The following WDR62 variants were observed in gnomAD, a reference collection of about 807,000 sequenced individuals.
WDR62 encodes WD repeat-containing protein 62.
Under a neutral mutation model 160.6 loss-of-function variants are expected in WDR62, and 112 were observed. The observed-to-expected ratio is 0.70, with a 90% CI of 0.60 to 0.82. The LOEUF (loss-of-function observed/expected upper bound fraction) is 0.82. Among genes scored for constraint, WDR62 ranks in the 40% least tolerant of loss-of-function variants. WDR62 has a pLI of 0.00. For synonymous variants in WDR62, 792 were observed against 815.1 expected (o/e 0.97, Z 0.48); for missense variants, 1,819 against 1,983.8 (o/e 0.92, Z 1.58).
chr19:36,077,305 T>C (rs1345449421), intron 9 of WDR62, among the ~76,000 whole-genome samples: 2 of 131,294 alleles, frequency 1.5e-5, no homozygotes, highest in Non-Finnish European at 3.1e-5. Context: ...TGAGATGGAG[T>C]CTCACTCTGT....
At chr19:36,096,994 T>G in intron 20 of WDR62, 33 bp from the exon 21 acceptor site, 1 of 1,596,220 alleles carries the variant, frequency 6.3e-7, no homozygotes, top group Non-Finnish European at 8.5e-7. Flanking sequence ...TTGGGTTGTT[T>G]GTCCTCTTTT....
chr19:36,092,921 G>A, intron 19 of WDR62, 110 bp downstream of exon 19: 1 of 1,510,562 alleles, frequency 6.6e-7, no homozygotes, highest in Non-Finnish European at 9.2e-7. Context: ...CCTGCCCTTA[G>A]CACACTCACA....
intron 30 of WDR62, 100 bp from the exon 31 acceptor site, chr19:36,104,418 G>T (rs76417901): frequency 1.3e-6 from 2 of 1,487,688 alleles, no homozygotes; most frequent in African/African-American, 2.7e-5. Flanking sequence ...CCAGAGAAGT[G>T]TTCCAGACAG....
rs965890462 is a variant in WDR62 at position 36,099,316 on chromosome 19, G to A, written c.2521-83G>A. The A allele has an allele frequency of 3.5e-6, 4 of 1,150,326 alleles. No individual in the cohort carries two copies. The East Asian group carries it at 9.9e-5, about 28-fold the overall frequency. The allele number at this position is 1,150,326 out of a possible 1,614,324, so 71.3% of individuals were successfully genotyped here. ...AATGGTATTGAAAGCCAAGAGTCCA[G>A]ATGGGCTGTGTGAAATGTCCGTGTC... On this transcript the variant is annotated intron_variant, in intron 21 of 31. Transcript: ENST00000401500.
chr19:36,109,748 A>C (rs968282523), downstream of WDR62, among the ~76,000 whole-genome samples: 4 of 146,784 alleles, frequency 2.7e-5, no homozygotes, highest in African/African-American at 5.1e-5. Context: ...AACAAAACAA[A>C]ACAAAACAAA....
intron 20 of WDR62, among the ~76,000 whole-genome samples, chr19:36,094,410 C>T (rs1463797284): frequency 2.6e-5 from 4 of 151,758 alleles, no homozygotes; most frequent in East Asian, 1.9e-4. Flanking sequence ...AAAAATTAGC[C>T]GGGCGTGGTG....
At position 36,073,273 on chromosome 19, in the gene WDR62, T is replaced by G; in HGVS notation, c.1044-69T>G. On this transcript the variant is annotated intron_variant, in intron 8 of 31. Coordinates refer to ENST00000401500, the MANE Select transcript of WDR62 (RefSeq NM_001083961.2). ...GGCATTGCCGGGGAGGCATCTCCAC[T>G]GTCACTAGAGGTGGCTGTCACTACT... The G allele has an allele frequency of 2.7e-6, 4 of 1,503,382 alleles. No individual in the cohort carries two copies. The Admixed American group carries it at 6.7e-5, about 25-fold the overall frequency. The allele number at this position is 1,503,382 out of a possible 1,614,324, so 93.1% of individuals were successfully genotyped here.
At chr19:36,108,823 C>T (rs1973755465), downstream of WDR62, among the ~76,000 whole-genome samples, 1 of 148,154 alleles carries the variant, frequency 6.7e-6, no homozygotes. Context: ...CACTGCACTC[C>T]AGCCTAGGTG....
intron 23 of WDR62, 137 bp downstream of exon 23, chr19:36,101,012 C>T: frequency 6.9e-7 from 1 of 1,440,068 alleles, no homozygotes; most frequent in Non-Finnish European, 9.7e-7. Context: ...GGGCAGGAGC[C>T]CAGCCTTAGT....
Position 36,081,435 on chromosome 19 carries a change from G to A in WDR62, c.1236G>A (p.Val412=). The A allele has an allele frequency of 6.2e-7, 1 of 1,613,944 alleles. No individual in the cohort carries two copies. The highest frequency in any genetic ancestry group is 8.5e-7 in the Non-Finnish European group (1 of 1,180,010). ...FHSSYVWNVE[V]YPEFEDQRAC... ...GCCTTGTCCTCTGGGAACTGTAGGT[G>A]TATCCTGAGTTTGAAGACCAGAGAG... Residue 412 remains valine (V), a splice_region_variant and synonymous_variant, in exon 10 of 32, where the codon GTG becomes GTA. Coordinates refer to ENST00000401500, the MANE Select transcript of WDR62 (RefSeq NM_001083961.2).
At chr19:36,073,096 G>A (rs1971384244) in intron 8 of WDR62, among the ~76,000 whole-genome samples, 1 of 152,128 alleles carries the variant, frequency 6.6e-6, no homozygotes, top group Non-Finnish European at 1.5e-5. Context: ...GGCGATAAAT[G>A]TTCATAGGAA....
intron 3 of WDR62, among the ~76,000 whole-genome samples, chr19:36,062,890 C>G (rs928808925): frequency 6.6e-6 from 1 of 151,994 alleles, no homozygotes; most frequent in South Asian, 2.1e-4. Flanking sequence ...TTGAGTTGTC[C>G]CCTCAGTCTC....
chr19:36,102,284 C>G, intron 26 of WDR62, 133 bp downstream of exon 26: 1 of 1,319,170 alleles, frequency 7.6e-7, no homozygotes, highest in Non-Finnish European at 1.1e-6. Context: ...TTTTTTGAGA[C>G]GGAGTCTCGC....
intron 4 of WDR62, 35 bp downstream of exon 4, chr19:36,066,050 G>A (rs757686035): frequency 5.0e-6 from 8 of 1,611,662 alleles, no homozygotes; most frequent in Middle Eastern, 1.7e-4. Context: ...GGAGTCGGGG[G>A]CTGGGGGGTC....
intron 21 of WDR62, among the ~76,000 whole-genome samples, chr19:36,097,624 C>G (rs953140438): frequency 6.6e-6 from 1 of 152,138 alleles, no homozygotes; most frequent in Non-Finnish European, 1.5e-5. Flanking sequence ...TGGTTCATGC[C>G]TGTGATCCCA....
chr19:36,070,451 C>T (rs1971236709), intron 7 of WDR62: 1 of 152,206 alleles, frequency 6.6e-6, no homozygotes, highest in Non-Finnish European at 1.5e-5. Flanking sequence ...TAAACTAAAG[C>T]ATGATCTATC....
intron 26 of WDR62, 63 bp from the exon 27 acceptor site, chr19:36,102,674 G>A (rs1973439182): frequency 6.7e-7 from 1 of 1,491,554 alleles, no homozygotes; most frequent in African/African-American, 1.4e-5. Flanking sequence ...GCTGTGGGCT[G>A]GCCTAGGGCC....
chr19:36,069,572 C>T (rs1971169490), intron 7 of WDR62, among the ~76,000 whole-genome samples: 1 of 152,240 alleles, frequency 6.6e-6, no homozygotes, highest in Admixed American at 6.5e-5. Context: ...AGACGCTCCT[C>T]ACTTCCCAGA....
At chr19:36,086,658 G>A (rs768691089) in intron 12 of WDR62, 29 bp from the exon 13 acceptor site, 6 of 1,586,996 alleles carry the variant, frequency 3.8e-6, no homozygotes, top group Non-Finnish European at 5.1e-6. Flanking sequence ...GCAGCCTTCA[G>A]GAACCAGTCT....
Sources: allele counts gnomAD v4.1 joint callset (sites outside exome capture counted in the v4.1 genomes callset), GRCh38; gene constraint gnomAD v4.1.1; transcripts MANE v1.5; gene names NCBI Gene and HGNC (gene_info 2026-07-23, HGNC 2026-07-21).